Variants in MICAL2 observed in about 807,000 individuals in gnomAD.
The protein encoded by MICAL2 is microtubule associated monooxygenase, calponin and LIM domain containing 2, also known as [F-actin]-monooxygenase MICAL2.
MICAL2 carries 77 observed loss-of-function variants against 127.3 expected under a neutral mutation model. The observed-to-expected ratio is 0.60, with a 90% CI of 0.50 to 0.73. The LOEUF is 0.73. Among genes scored for constraint, MICAL2 ranks in the 30% least tolerant of loss-of-function variants. The pLI, the probability that MICAL2 is intolerant of heterozygous loss-of-function variation, is 0.00. For missense variants in MICAL2, 1,351 were observed against 1,434.4 expected, an observed-to-expected ratio of 0.94 and a Z score of 0.94; for synonymous variants, 570 against 551.1, an observed-to-expected ratio of 1.03 and a Z score of -0.48.
intron 1 of MICAL2, chr11:12,121,332 G>T (rs1850492875): frequency 6.6e-6 from 1 of 152,430 alleles, no homozygotes; most frequent in Non-Finnish European, 1.5e-5. Flanking sequence ...GCAGGAGCAG[G>T]AGTTCCCTGT....
downstream of MICAL2, among the ~76,000 whole-genome samples, chr11:12,291,024 C>A (rs1389550): frequency 6.6e-6 from 1 of 151,984 alleles, no homozygotes; most frequent in African/African-American, 2.4e-5. Flanking sequence ...CTGAAGGCTA[C>A]ACACCCTGCA....
intron 21 of MICAL2, among the ~76,000 whole-genome samples, chr11:12,248,723 T>C (rs530673741): frequency 4.6e-5 from 2 of 43,184 alleles, no homozygotes; most frequent in South Asian, 1.6e-3. Context: ...GCTGGGAAGT[T>C]TTGTCTGGGG....
Position 12,241,117 on chromosome 11 carries a change from G to GC in MICAL2, c.2294dup (p.Glu766GlyfsTer36). ...CTCCTGTTCACTCTTGCTGCCCCAA[G>GC]CCGGAGGAGGCCACACCCAGCCCAT... On this transcript the variant is annotated frameshift_variant, in exon 18 of 28. Transcript: ENST00000683283. LOFTEE classifies it high-confidence loss of function. The GC allele has an allele frequency of 6.2e-7, 1 of 1,614,144 alleles. No individual in the cohort carries two copies. Among genetic ancestry groups the GC allele is most frequent in the Non-Finnish European group, 8.5e-7 (1 of 1,180,028 alleles).
chr11:12,115,962 T>C (rs2133429619), intron 1 of MICAL2, among the ~76,000 whole-genome samples: 1 of 151,762 alleles, frequency 6.6e-6, no homozygotes, highest in Non-Finnish European at 1.5e-5. Flanking sequence ...TAGAAAATAC[T>C]ACCCTCTTTC....
At chr11:12,294,984 T>A (rs947409032), downstream of MICAL2, 3 of 1,310,592 alleles carry the variant, frequency 2.3e-6, no homozygotes, top group Middle Eastern at 2.8e-4. Context: ...TAGGAAAACT[T>A]TAAAGGCAAA....
chr11:12,229,978 A>T (rs1372448535), intron 15 of MICAL2, among the ~76,000 whole-genome samples: 2 of 152,176 alleles, frequency 1.3e-5, no homozygotes, highest in African/African-American at 4.8e-5. Flanking sequence ...AGTGCCTGGC[A>T]TGGGCATTGT....
At chr11:12,150,869 C>A (rs7943402) in intron 2 of MICAL2, among the ~76,000 whole-genome samples, 140,928 of 152,182 alleles carry the variant, frequency 0.93, 65,736 homozygotes, top group Non-Finnish European at 0.98. Context: ...AAAATGTATC[C>A]ATTTCTGCCT....
intron 1 of MICAL2, among the ~76,000 whole-genome samples, chr11:12,134,369 C>G (rs1176877024): frequency 1.3e-5 from 2 of 152,224 alleles, no homozygotes; most frequent in Admixed American, 6.5e-5. Context: ...CTCTTCTTCC[C>G]CTCTCATAAT....
intron 2 of MICAL2, among the ~76,000 whole-genome samples, chr11:12,150,712 G>A (rs1333901055): frequency 1.3e-5 from 2 of 152,164 alleles, no homozygotes; most frequent in East Asian, 3.8e-4. Flanking sequence ...TCAGCAAGAC[G>A]CAGTGCCATT....
chr11:12,183,929 A>G (rs1043268431), intron 3 of MICAL2, among the ~76,000 whole-genome samples: 2 of 152,050 alleles, frequency 1.3e-5, no homozygotes, highest in African/African-American at 2.4e-5. Flanking sequence ...ACCGGTGTGC[A>G]CTACTATGTT....
chr11:12,236,350 T>G lies in MICAL2; in HGVS notation c.2064+105T>G, dbSNP rs1230597711. On this transcript the variant is annotated intron_variant, in intron 16 of 27. Transcript: ENST00000683283. ...AGCCTGGCCCTGTTCCTTCCCTCTCTCATGAACCACTGGGTTCCAAGCTTG... is the reference window on the plus strand; with the variant it reads ...AGCCTGGCCCTGTTCCTTCCCTCTCGCATGAACCACTGGGTTCCAAGCTTG... 4 of 1,012,740 alleles carry G rather than the reference T, an allele frequency of 3.9e-6. No individual in the cohort carries two copies. In the East Asian group the frequency reaches 9.6e-5, roughly 24 times the overall value. The allele number at this position is 1,012,740 out of a possible 1,614,324, so 62.7% of individuals were successfully genotyped here. A position where few individuals can be genotyped will look rare whatever the true frequency, so the allele number is the denominator to read the frequency against.
chr11:12,160,859 G>T (rs1565065743), intron 2 of MICAL2, among the ~76,000 whole-genome samples: 1 of 152,212 alleles, frequency 6.6e-6, no homozygotes, highest in Non-Finnish European at 1.5e-5. Context: ...AGTAATTGTT[G>T]CTGAGTGAAT....
intron 3 of MICAL2, among the ~76,000 whole-genome samples, chr11:12,187,479 C>A (rs75144158): frequency 1.3e-5 from 2 of 152,222 alleles, no homozygotes; most frequent in African/African-American, 4.8e-5. Flanking sequence ...GGACTGAATG[C>A]GTCCAGACAG....
chr11:12,259,112 A>T (rs982599547), intron 25 of MICAL2, among the ~76,000 whole-genome samples: 1 of 152,210 alleles, frequency 6.6e-6, no homozygotes, highest in African/African-American at 2.4e-5. Context: ...CTTTTTTCTA[A>T]TTAGCCAAAT....
chr11:12,135,478 A>G (rs1223730528), intron 1 of MICAL2, among the ~76,000 whole-genome samples: 18 of 152,152 alleles, frequency 1.2e-4, no homozygotes. Context: ...AATAACAGAC[A>G]TCACCTCCAA....
At chr11:12,169,472 G>A (rs1354707980) in intron 3 of MICAL2, among the ~76,000 whole-genome samples, 1 of 152,102 alleles carries the variant, frequency 6.6e-6, no homozygotes, top group Non-Finnish European at 1.5e-5. Flanking sequence ...TGCAACCTCC[G>A]CCTCTCAGGT....
chr11:12,118,755 A>G (rs375020065), intron 1 of MICAL2, among the ~76,000 whole-genome samples: 17 of 152,358 alleles, frequency 1.1e-4, no homozygotes, highest in African/African-American at 4.1e-4. Context: ...TTTAGTCTAC[A>G]TAAAGGAGGT....
At chr11:12,295,357 C>T (rs983628739), downstream of MICAL2, among the ~76,000 whole-genome samples, 1 of 150,948 alleles carries the variant, frequency 6.6e-6, no homozygotes, top group Non-Finnish European at 1.5e-5. Flanking sequence ...CCAGGCTGGT[C>T]TTAAACTCCT....
chr11:12,315,301 T>C (rs545787016), intron 29 of MICAL2, among the ~76,000 whole-genome samples: 1 of 152,340 alleles, frequency 6.6e-6, no homozygotes, highest in South Asian at 2.1e-4. Context: ...TCTTCTGTTC[T>C]AATATAAACA....
Sources: gnomAD v4.1 joint callset for allele counts (sites outside exome capture counted in the v4.1 genomes callset) on GRCh38, gnomAD v4.1.1 for gene constraint, MANE v1.5 for transcripts, NCBI Gene and HGNC (gene_info 2026-07-23, HGNC 2026-07-21) for gene names.